ASTN1: variants seen among roughly 807,000 people sequenced by gnomAD.
The protein encoded by ASTN1 is astrotactin-1.
In ASTN1, 41 loss-of-function variants were observed where a neutral mutation model predicts 140.7. That is an observed-to-expected ratio of 0.29 (90% CI 0.23 to 0.38). ASTN1 has a LOEUF of 0.38. ASTN1 is among the 10% of genes least tolerant of loss of function. The pLI is 1.00. For synonymous variants in ASTN1, 640 were observed against 652.2 expected (o/e 0.98, Z 0.29); for missense variants, 1,479 against 1,678.8 (o/e 0.88, Z 2.08).
intron 2 of ASTN1, among the ~76,000 whole-genome samples, chr1:177,050,639 G>T (rs1421659303): frequency 6.6e-6 from 1 of 152,102 alleles, no homozygotes; most frequent in Non-Finnish European, 1.5e-5. Flanking sequence ...TCTCACACAG[G>T]TAAGCCATTT....
intron 16 of ASTN1, among the ~76,000 whole-genome samples, chr1:176,927,320 C>T (rs994763772): frequency 7.9e-5 from 12 of 152,068 alleles, no homozygotes; most frequent in African/African-American, 2.4e-4. Context: ...CAGATAACCC[C>T]GCTGATATGC....
chr1:177,051,192 C>A (rs989823289), intron 2 of ASTN1, among the ~76,000 whole-genome samples: 2 of 152,182 alleles, frequency 1.3e-5, no homozygotes, highest in Non-Finnish European at 2.9e-5. Flanking sequence ...CTGTGGGGGT[C>A]TGGCTAAAAC....
At chr1:176,925,392 T>C (rs181848420) in intron 16 of ASTN1, among the ~76,000 whole-genome samples, 25 of 152,320 alleles carry the variant, frequency 1.6e-4, no homozygotes, top group Admixed American at 1.1e-3. Context: ...TGGCATCATC[T>C]GGGAGCTTGT....
intron 21 of ASTN1, among the ~76,000 whole-genome samples, chr1:176,872,700 C>G (rs776549429): frequency 1.3e-5 from 2 of 152,130 alleles, no homozygotes; most frequent in Non-Finnish European, 2.9e-5. Flanking sequence ...CTTGGAGCTC[C>G]TCTCCTGCTC....
rs768516101 is a variant in ASTN1 at position 176,958,457 on chromosome 1, T to C, written c.1624A>G (p.Met542Val). The C allele has an allele frequency of 8.7e-6, 14 of 1,613,444 alleles. No individual in the cohort carries two copies. The highest frequency in any genetic ancestry group is 1.6e-4 in the Middle Eastern group (1 of 6,070). ...AAGCTCTTGCTGAGGGGCAACCACA[T>C]GCCCTCCCCAAGAGTGTAGGTGAAT... ...FRFTYTLGEGMWLPLSKSFVI... is the reference protein window; with the variant it reads ...FRFTYTLGEGVWLPLSKSFVI... Residue 542 changes from methionine to valine, a missense_variant, in exon 10 of 23, where the codon ATG (methionine) becomes GTG (valine). Physicochemically the swap from Met to Val is conservative, Grantham distance 21 (BLOSUM62 1). This residue lies in a region of ASTN1 where 729 missense variants were observed against 860.4 expected (regional missense o/e 0.85). Transcript: ENST00000361833.
At chr1:176,931,053 C>T (rs1167818299) in intron 16 of ASTN1, among the ~76,000 whole-genome samples, 5 of 152,096 alleles carry the variant, frequency 3.3e-5, no homozygotes, top group Non-Finnish European at 7.4e-5. Flanking sequence ...AAGAACCTCA[C>T]GACCTTTTCT....
intron 2 of ASTN1, among the ~76,000 whole-genome samples, chr1:177,037,794 T>A (rs1462557417): frequency 6.6e-6 from 1 of 152,226 alleles, no homozygotes; most frequent in South Asian, 2.1e-4. Flanking sequence ...TTGGGGTATA[T>A]GAGAAACCCA....
intron 1 of ASTN1, among the ~76,000 whole-genome samples, chr1:177,063,749 G>T (rs1227202731): frequency 6.6e-6 from 1 of 152,092 alleles, no homozygotes; most frequent in South Asian, 2.1e-4. Flanking sequence ...GTGAGTGCCT[G>T]TCCTGTTATT....
At chr1:177,088,675 C>A (rs1177594341) in intron 1 of ASTN1, among the ~76,000 whole-genome samples, 3 of 152,112 alleles carry the variant, frequency 2.0e-5, no homozygotes, top group African/African-American at 7.2e-5. Context: ...CATGCTCATT[C>A]TAAGAAGGCA....
At chr1:176,955,384 T>G (rs954140308) in intron 11 of ASTN1, among the ~76,000 whole-genome samples, 1 of 152,054 alleles carries the variant, frequency 6.6e-6, no homozygotes, top group African/African-American at 2.4e-5. Context: ...GAGTCACAAG[T>G]GTCATGATGG....
Position 176,864,328 on chromosome 1 carries a change from G to A in ASTN1, c.3841C>T (p.Leu1281=), listed in dbSNP as rs1205771899. ...DLRKTCEEQT[L]SIPYNDYGDS... is the part of the protein sequence containing the mutation. ...CCATAGTCGTTGTAGGGGATACTCA[G>A]GGTCTGCTCCTCACACGTCTTCCTG... The change falls in exon 23 of 23, where the codon CTG becomes TTG. Residue 1281 remains leucine (L), a synonymous_variant. Coordinates refer to ENST00000361833, the MANE Select transcript of ASTN1 (RefSeq NM_004319.3). 6.2e-7 allele frequency: 1 copy of A among 1,614,096 alleles called. No homozygotes were observed. Among genetic ancestry groups the A allele is most frequent in the Non-Finnish European group, 8.5e-7 (1 of 1,179,996 alleles).
intron 1 of ASTN1, among the ~76,000 whole-genome samples, chr1:177,076,560 C>T (rs1159325128): frequency 6.7e-6 from 1 of 148,562 alleles, no homozygotes; most frequent in Non-Finnish European, 1.5e-5. Flanking sequence ...CTCACTTCAT[C>T]ACCCAGGCTG....
intron 2 of ASTN1, among the ~76,000 whole-genome samples, chr1:177,058,270 TA>T (rs1442073909): frequency 1.3e-5 from 2 of 152,170 alleles, no homozygotes; most frequent in African/African-American, 4.8e-5. Flanking sequence ...CTGATTTTTT[TA>T]TGGAGATGTT....
intron 5 of ASTN1, among the ~76,000 whole-genome samples, chr1:177,026,489 A>G (rs1321691168): frequency 1.3e-5 from 2 of 152,020 alleles, no homozygotes; most frequent in East Asian, 1.9e-4. Context: ...GCCCTCACCA[A>G]TGCCATTAAA....
intron 17 of ASTN1, among the ~76,000 whole-genome samples, chr1:176,891,718 G>A (rs528319300): frequency 3.9e-5 from 6 of 152,198 alleles, no homozygotes; most frequent in Admixed American, 1.3e-4. Context: ...GCTTGAACCC[G>A]GGAAGAGGAG....
chr1:176,900,254 A>G (rs1249151471), intron 16 of ASTN1, among the ~76,000 whole-genome samples: 1 of 152,118 alleles, frequency 6.6e-6, no homozygotes, highest in Non-Finnish European at 1.5e-5. Flanking sequence ...AAGTAACAAA[A>G]CCTCAATATG....
chr1:177,029,463 G>GGCT (rs1314018878), intron 5 of ASTN1, 171 bp downstream of exon 5: 4 of 777,048 alleles, frequency 5.1e-6, no homozygotes, highest in Non-Finnish European at 7.1e-6. Context: ...TTCCACTCTA[G>GGCT]GCTCTTCTTT....
intron 22 of ASTN1, among the ~76,000 whole-genome samples, chr1:176,866,774 C>T (rs193212461): frequency 9.9e-5 from 15 of 152,230 alleles, no homozygotes; most frequent in Admixed American, 7.2e-4. Flanking sequence ...AATCTGGAGG[C>T]GTCATCAAGT....
chr1:176,955,213 C>T (rs1672350656), intron 11 of ASTN1, among the ~76,000 whole-genome samples: 1 of 152,116 alleles, frequency 6.6e-6, no homozygotes. Context: ...GAAGGCGGGC[C>T]AATGCTCTGC....
Sources: allele counts gnomAD v4.1 joint callset (sites outside exome capture counted in the v4.1 genomes callset), GRCh38; gene constraint gnomAD v4.1.1; regional missense constraint gnomAD v4.1.1; transcripts MANE v1.5; gene names NCBI Gene and HGNC (gene_info 2026-07-23, HGNC 2026-07-21).